Variants in IPP observed in about 807,000 individuals in gnomAD.
IPP encodes actin-binding protein IPP.
IPP carries 41 observed loss-of-function variants against 64.1 expected under a neutral mutation model. That is an observed-to-expected ratio of 0.64 (90% confidence interval 0.50 to 0.83). The LOEUF is 0.83. Among genes scored for constraint, IPP ranks in the 40% least tolerant of loss-of-function variants. The pLI is 0.00. For missense variants in IPP, 649 were observed against 703.0 expected, an observed-to-expected ratio of 0.92 and a Z score of 0.87; for synonymous variants, 214 against 235.2, an observed-to-expected ratio of 0.91 and a Z score of 0.83.
In IPP at chr1:45,699,680, AGAGAC is replaced by A; in HGVS notation, c.*281_*285del. 1 of 1,108,408 alleles carries A rather than the reference AGAGAC, an allele frequency of 9.0e-7. No homozygotes were observed. The highest frequency in any genetic ancestry group is 1.1e-6 in the Non-Finnish European group (1 of 894,940). The allele number at this position is 1,108,408 out of a possible 1,614,324, so 68.7% of individuals were successfully genotyped here. ...TTCTTGAGTTTATTTTTTTTCTTTA[AGAGAC>A]AGGATCTCATTCTGTTGCCCAGAGT... On this transcript the variant is annotated 3_prime_UTR_variant, in exon 9 of 9. Transcript: ENST00000396478.
chr1:45,701,647 G>A (rs1472747834), intron 8 of IPP, among the ~76,000 whole-genome samples: 1 of 152,186 alleles, frequency 6.6e-6, no homozygotes. Context: ...AGCTACTAAA[G>A]GTCCTAAGAA....
chr1:45,724,666 C>A, intron 5 of IPP, among the ~76,000 whole-genome samples: 2 of 151,470 alleles, frequency 1.3e-5, no homozygotes, highest in Non-Finnish European at 2.9e-5. Flanking sequence ...CTCTGCCGGG[C>A]CGCAACCCTG....
Position 45,700,166 on chromosome 1 carries a change from T to C in IPP, c.1555A>G (p.Met519Val), listed in dbSNP as rs769683952. 8.7e-6 allele frequency: 14 copies of C among 1,613,534 alleles called. No individual in the cohort carries two copies. The highest frequency in any genetic ancestry group is 5.5e-5 in the South Asian group (5 of 91,028). The stretch of plus-strand genomic sequence containing the variant: ...CACATGCCTGCTCTAGGCACTTTCA[T>C]TGAGGCAACTTCAACCCACTTTTCC... ...EEEKWVEVAS[M>V]KVPRAGMCVV... Residue 519 changes from methionine to valine, a missense_variant, in exon 9 of 9, where the codon ATG (methionine) becomes GTG (valine). Transcript: ENST00000396478.
intron 8 of IPP, among the ~76,000 whole-genome samples, chr1:45,713,243 C>G (rs1301046256): frequency 6.6e-6 from 1 of 151,842 alleles, no homozygotes; most frequent in Admixed American, 6.6e-5. Context: ...GTCTGGGTTA[C>G]ATAGCGAGAC....
At chr1:45,695,747 G>A (rs918669655), downstream of IPP, among the ~76,000 whole-genome samples, 5 of 151,684 alleles carry the variant, frequency 3.3e-5, no homozygotes, top group African/African-American at 7.3e-5. Flanking sequence ...TCGGCTCACC[G>A]CAACCTCCGC....
At position 45,727,655 on chromosome 1, in the gene IPP, C is replaced by G. The variant is rs1436785234; in HGVS notation, c.1024G>C (p.Gly342Arg). The stretch of plus-strand genomic sequence containing the variant: ...CCTCCAATAGCGTAGACCATCCCTC[C>G]CAGAACTGTTACTCCCAGCCCACTT... ...ARSGLGVTVLGGMVYAIGGEK... is the reference protein window; with the variant it reads ...ARSGLGVTVLRGMVYAIGGEK... The change falls in exon 5 of 9, where the codon GGA becomes CGA. Residue 342 changes from glycine (G) to arginine (R), a missense_variant. By Grantham distance (125) the Gly-to-Arg change is moderately radical. Coordinates refer to ENST00000396478, the MANE Select transcript of IPP (RefSeq NM_005897.3). 3.2e-6 allele frequency: 5 copies of G among 1,586,464 alleles called. No individual in the cohort carries two copies. The Admixed American group carries it at 8.4e-5, about 27-fold the overall frequency.
chr1:45,726,635 A>G (rs144293662), intron 5 of IPP, among the ~76,000 whole-genome samples: 1 of 152,178 alleles, frequency 6.6e-6, no homozygotes, highest in African/African-American at 2.4e-5. Context: ...TCCAGTATCC[A>G]TACTGCTTGG....
intron 2 of IPP, among the ~76,000 whole-genome samples, chr1:45,744,566 C>T (rs558706721): frequency 4.6e-5 from 7 of 152,112 alleles, no homozygotes; most frequent in African/African-American, 1.2e-4. Flanking sequence ...TTTGGCTAGG[C>T]GTAGTGGCTC....
intron 5 of IPP, among the ~76,000 whole-genome samples, chr1:45,725,142 C>T (rs1645799202): frequency 7.7e-6 from 1 of 130,074 alleles, no homozygotes; most frequent in Non-Finnish European, 1.6e-5. Flanking sequence ...CCCGGCCAGC[C>T]GCCCCGTCCG....
intron 7 of IPP, among the ~76,000 whole-genome samples, chr1:45,715,493 T>G (rs1645646232): frequency 6.6e-6 from 1 of 151,738 alleles, no homozygotes; most frequent in Non-Finnish European, 1.5e-5. Context: ...TACAAAAAAT[T>G]TGCCAGGTGT....
chr1:45,716,984 A>G lies in IPP; in HGVS notation c.1220T>C (p.Ile407Thr), dbSNP rs138445315. 60 of 1,613,388 alleles carry G rather than the reference A, an allele frequency of 3.7e-5. No individual in the cohort carries two copies. Among genetic ancestry groups the G allele is most frequent in the Admixed American group, 1.2e-4 (7 of 59,930 alleles). The change falls in exon 7 of 9, where the codon ATT becomes ACT. Residue 407 changes from isoleucine (I) to threonine (T), a missense_variant. By Grantham distance (89) the Ile-to-Thr change is moderately conservative. Coordinates refer to ENST00000396478, the MANE Select transcript of IPP (RefSeq NM_005897.3). ...ATTTTCATCAGGATCAAATCGTTCA[A>G]TGGTGTTCCCTATCTCAGCTCCAAC... ...GWVGAEIGNT[I>T]ERFDPDENKW...
intron 8 of IPP, among the ~76,000 whole-genome samples, chr1:45,702,156 A>C (rs962918548): frequency 7.2e-5 from 11 of 152,220 alleles, no homozygotes; most frequent in African/African-American, 2.4e-4. Context: ...TGACAATAAC[A>C]AAGGGACCTT....
At position 45,741,099 on chromosome 1, in the gene IPP, G is replaced by A. The variant is rs369829010; in HGVS notation, c.526C>T (p.Leu176=). ...ATCAGCTGATCTTTCGTAAGTGCCA[G>A]GAACTCTTCTCCACTATGAACCTCC... ...FLEVHSGEEF[L]ALTKDQLIKI... is the part of the protein sequence containing the mutation. Residue 176 remains leucine, a synonymous_variant, in exon 3 of 9, where the codon CTG becomes TTG. Coordinates refer to ENST00000396478, the MANE Select transcript of IPP (RefSeq NM_005897.3). 95 of 1,613,968 alleles carry A rather than the reference G, an allele frequency of 5.9e-5. No homozygotes were observed. Among genetic ancestry groups the A allele is most frequent in the Non-Finnish European group, 8.0e-5 (94 of 1,180,004 alleles).
intron 8 of IPP, among the ~76,000 whole-genome samples, chr1:45,701,154 G>A (rs533470573): frequency 2.0e-5 from 3 of 152,322 alleles, no homozygotes; most frequent in African/African-American, 4.8e-5. Context: ...AGGATATTGT[G>A]TATGGCCCAC....
chr1:45,725,113 A>G (rs1228171196), intron 5 of IPP, among the ~76,000 whole-genome samples: 71 of 18,504 alleles, frequency 3.8e-3, no homozygotes, highest in Middle Eastern at 0.031. Flanking sequence ...GGGAGGGGGG[A>G]GGGGGGGTCA....
chr1:45,702,559 A>G (rs1645469175), intron 8 of IPP, among the ~76,000 whole-genome samples: 1 of 151,984 alleles, frequency 6.6e-6, no homozygotes, highest in Non-Finnish European at 1.5e-5. Flanking sequence ...GGTTGGAGCA[A>G]TTCTCCTGCT....
rs781384084 is a variant in IPP, at chr1:45,714,252, A to G, written c.1524T>C (p.Phe508=). 3.7e-6 allele frequency: 6 copies of G among 1,610,370 alleles called. No homozygotes were observed. The highest frequency in any genetic ancestry group is 4.2e-6 in the Non-Finnish European group (5 of 1,176,516). ...DALHTVEKYS[F]EEEKWVEVAS... is the part of the protein sequence containing the mutation. Reference sequence around the variant, plus strand: ...CTGAAATCATCCAACCTACCTCTTCAAAGGAATATTTTTCTACAGTATGAA... The same window carrying G: ...CTGAAATCATCCAACCTACCTCTTCGAAGGAATATTTTTCTACAGTATGAA... The change falls in exon 8 of 9, where the codon TTT becomes TTC. Residue 508 remains phenylalanine, a synonymous_variant. Coordinates refer to ENST00000396478, the MANE Select transcript of IPP (RefSeq NM_005897.3).
intron 8 of IPP, among the ~76,000 whole-genome samples, chr1:45,705,856 G>T (rs1645506393): frequency 6.6e-6 from 1 of 151,992 alleles, no homozygotes; most frequent in Admixed American, 6.6e-5. Context: ...TTAGATAACA[G>T]GCAATGTAAA....
At chr1:45,711,646 T>C (rs1365728165) in intron 8 of IPP, among the ~76,000 whole-genome samples, 1 of 151,620 alleles carries the variant, frequency 6.6e-6, no homozygotes, top group East Asian at 1.9e-4. Context: ...CCCAGCTACG[T>C]GGGTGGTTGA....
Sources: allele counts gnomAD v4.1 joint callset (sites outside exome capture counted in the v4.1 genomes callset), GRCh38; gene constraint gnomAD v4.1.1; transcripts MANE v1.5; gene names NCBI Gene and HGNC (gene_info 2026-07-23, HGNC 2026-07-21).